Variants in PER3 observed in about 807,000 individuals in gnomAD.
PER3 encodes the protein period circadian protein homolog 3.
A neutral mutation model predicts 127.2 loss-of-function variants in PER3; 107 were observed. That is an observed-to-expected ratio of 0.84 (90% confidence interval 0.72 to 0.99). PER3 has a LOEUF of 0.99. Among genes scored for constraint, PER3 ranks in the 50% least tolerant of loss-of-function variants. The pLI, the probability that PER3 is intolerant of heterozygous loss-of-function variation, is 0.00. For synonymous variants in PER3, 618 were observed against 585.8 expected (o/e 1.05, Z -0.79); for missense variants, 1,560 against 1,525.8 (o/e 1.02, Z -0.37).
chr1:7,808,899 A>T lies in PER3; in HGVS notation c.1143A>T (p.Pro381=), dbSNP rs967733629. 8 of 1,570,636 alleles carry T rather than the reference A, an allele frequency of 5.1e-6. No homozygotes were observed. The African/African-American group carries it at 8.1e-5, about 16-fold the overall frequency. The part of the protein sequence containing the change: ...IIGRHKVRTS[P]LNEDVFATKI... ...CTCACTGGGCATTTTCTAGGAGCCC[A>T]CTAAATGAGGATGTTTTTGCTACCA... The change falls in exon 11 of 22, where the codon CCA becomes CCT. Residue 381 remains proline (P), a synonymous_variant. Transcript: ENST00000377532.
intron 5 of PER3, among the ~76,000 whole-genome samples, chr1:7,793,371 A>C (rs867137949): frequency 1.1e-4 from 16 of 152,218 alleles, no homozygotes; most frequent in African/African-American, 3.4e-4. Context: ...AATCATTGGC[A>C]TGAGGGTTGT....
intron 16 of PER3, among the ~76,000 whole-genome samples, chr1:7,823,873 C>T (rs1469341477): frequency 6.6e-6 from 1 of 152,166 alleles, no homozygotes; most frequent in African/African-American, 2.4e-5. Context: ...ACAGTATGTT[C>T]ACTGAGAAAT....
chr1:7,835,306 T>C (rs2097352878), intron 19 of PER3, among the ~76,000 whole-genome samples: 1 of 152,216 alleles, frequency 6.6e-6, no homozygotes, highest in Non-Finnish European at 1.5e-5. Context: ...AGTCAATAAT[T>C]GGCTTTATTG....
intron 21 of PER3, among the ~76,000 whole-genome samples, chr1:7,839,091 T>C (rs947714888): frequency 2.6e-5 from 4 of 152,234 alleles, no homozygotes; most frequent in African/African-American, 9.6e-5. Context: ...CCCTGCTCAT[T>C]TCCTGTTGTG....
At chr1:7,841,532 A>G (rs2097388829) in intron 21 of PER3, among the ~76,000 whole-genome samples, 1 of 152,048 alleles carries the variant, frequency 6.6e-6, no homozygotes, top group Non-Finnish European at 1.5e-5. Context: ...ACCACAGGCA[A>G]CCACAGCTTA....
chr1:7,803,892 C>T (rs528247062), intron 10 of PER3, 44 bp downstream of exon 10: 2 of 1,492,112 alleles, frequency 1.3e-6, no homozygotes, highest in South Asian at 2.3e-5. Flanking sequence ...TCTCTTGTAT[C>T]AAATAATATT....
Position 7,809,995 on chromosome 1 carries a change from C to A in PER3, c.1345C>A (p.Arg449Ser). The change falls in exon 12 of 22, where the codon CGT becomes AGT. Residue 449 changes from arginine (R) to serine (S), a missense_variant. Physicochemically the swap from Arg to Ser is moderately radical, Grantham distance 110. Coordinates refer to ENST00000377532, the MANE Select transcript of PER3 (RefSeq NM_001377275.1). ...IASSSEASGH[R>S]VEETKAEQMT... Reference sequence around the variant, plus strand: ...CTCCTCCAGTGAGGCCAGTGGGCACCGTGTGGAGGAGACGAAGGCGGAGCA... The same window carrying A: ...CTCCTCCAGTGAGGCCAGTGGGCACAGTGTGGAGGAGACGAAGGCGGAGCA... 3 of 1,613,856 alleles carry A rather than the reference C, an allele frequency of 1.9e-6. No homozygotes were observed. The highest frequency in any genetic ancestry group is 2.5e-6 in the Non-Finnish European group (3 of 1,179,832).
rs566823331 is a variant in PER3 at position 7,844,662 on chromosome 1, C to G, written c.*1907C>G. ...CACGTTTTATGGAGTACTTGTTATACTAGGTTTGATTTGAAACTGGTGCTT... is the reference window on the plus strand; with the variant it reads ...CACGTTTTATGGAGTACTTGTTATAGTAGGTTTGATTTGAAACTGGTGCTT... On this transcript the variant is annotated 3_prime_UTR_variant, in exon 22 of 22. Coordinates refer to ENST00000377532, the MANE Select transcript of PER3 (RefSeq NM_001377275.1). 6.5e-6 allele frequency: 1 copy of G among 152,736 alleles called. No homozygotes were observed. The highest frequency in any genetic ancestry group is 2.4e-5 in the African/African-American group (1 of 41,454). The allele number at this position is 152,736 out of a possible 1,614,324, so 9.5% of individuals were successfully genotyped here. A position where few individuals can be genotyped will look rare whatever the true frequency, so the allele number is the denominator to read the frequency against.
intron 19 of PER3, among the ~76,000 whole-genome samples, chr1:7,832,728 T>C (rs2097338478): frequency 6.9e-6 from 1 of 144,188 alleles, no homozygotes; most frequent in Non-Finnish European, 1.5e-5. Context: ...ATTTTTTTTT[T>C]CTTATTTCTT....
intron 16 of PER3, among the ~76,000 whole-genome samples, chr1:7,824,120 G>C (rs1019304092): frequency 6.6e-6 from 1 of 152,176 alleles, no homozygotes; most frequent in African/African-American, 2.4e-5. Flanking sequence ...ATGGGATACA[G>C]CTAAAAACGG....
At chr1:7,811,624 A>C (rs946027770) in intron 13 of PER3, 11 of 152,404 alleles carry the variant, frequency 7.2e-5, no homozygotes, top group African/African-American at 2.6e-4. Flanking sequence ...CACAAGGGAC[A>C]GAAAGGCAGA....
chr1:7,784,913 G>C lies in PER3; in HGVS notation c.36G>C (p.Arg12=). 2 of 1,525,898 alleles carry C rather than the reference G, an allele frequency of 1.3e-6. No individual in the cohort carries two copies. The highest frequency in any genetic ancestry group is 1.7e-6 in the Non-Finnish European group (2 of 1,149,398). 94.5% of individuals were successfully genotyped at this position (1,525,898 alleles called of 1,614,324 possible). ...PRGEAPGPGR[R]GAKDEALGEE... is the part of the protein sequence containing the mutation. ...GGGAAGCTCCTGGCCCCGGGAGACG[G>C]GGGGCTAAGGACGAGGCCCTGGGCG... The change falls in exon 2 of 22, where the codon CGG becomes CGC. Residue 12 remains arginine, a synonymous_variant. Coordinates refer to ENST00000377532, the MANE Select transcript of PER3 (RefSeq NM_001377275.1).
At chr1:7,802,736 TA>T (rs1247176493) in intron 8 of PER3, among the ~76,000 whole-genome samples, 1 of 152,236 alleles carries the variant, frequency 6.6e-6, no homozygotes, top group African/African-American at 2.4e-5. Context: ...AGGAACTTGC[TA>T]AAAGACAGAT....
intron 16 of PER3, among the ~76,000 whole-genome samples, chr1:7,820,996 G>A (rs2097274067): frequency 6.6e-6 from 1 of 152,176 alleles, no homozygotes; most frequent in African/African-American, 2.4e-5. Context: ...CACAGAATGT[G>A]TTCCTTTCAC....
chr1:7,815,236 T>C (rs2097242158), intron 13 of PER3, among the ~76,000 whole-genome samples: 1 of 152,238 alleles, frequency 6.6e-6, no homozygotes, highest in African/African-American at 2.4e-5. Context: ...TCATATTCAA[T>C]CCAGTTATTC....
Position 7,827,764 on chromosome 1 carries a change from C to G in PER3, c.2835C>G (p.Pro945=). 1 of 1,614,036 alleles carries G rather than the reference C, an allele frequency of 6.2e-7. No individual in the cohort carries two copies. The change falls in exon 18 of 22, where the codon CCC becomes CCG. Residue 945 remains proline (P), a synonymous_variant. Coordinates refer to ENST00000377532, the MANE Select transcript of PER3 (RefSeq NM_001377275.1). The part of the protein sequence containing the change: ...LNLLQEEMPR[P]SESPDQMRRN... ...TACTTCAGGAAGAGATGCCCAGACC[C>G]TCTGAATCTCCAGATCAGATGAGAA...
chr1:7,819,561 C>T (rs1488407379), intron 14 of PER3, 141 bp downstream of exon 14: 6 of 718,350 alleles, frequency 8.4e-6, no homozygotes, highest in Non-Finnish European at 1.4e-5. Context: ...GCGTGCCTAA[C>T]ACATACGCTG....
intron 3 of PER3, among the ~76,000 whole-genome samples, chr1:7,786,203 C>T (rs965586512): frequency 3.4e-4 from 52 of 152,078 alleles, no homozygotes; most frequent in African/African-American, 1.1e-3. Flanking sequence ...TGCAGTGAGC[C>T]GAGATCACGC....
chr1:7,833,672 C>T (rs1298066953), intron 19 of PER3, among the ~76,000 whole-genome samples: 1 of 152,066 alleles, frequency 6.6e-6, no homozygotes, highest in Non-Finnish European at 1.5e-5. Flanking sequence ...TTGGGTATTG[C>T]TTTTTATTCA....
Sources: gnomAD v4.1 joint callset for allele counts (sites outside exome capture counted in the v4.1 genomes callset) on GRCh38, gnomAD v4.1.1 for gene constraint, MANE v1.5 for transcripts, NCBI Gene and HGNC (gene_info 2026-07-23, HGNC 2026-07-21) for gene names.